The following PIEZO2 variants were observed in gnomAD, a reference collection of about 807,000 sequenced individuals.
PIEZO2 encodes the protein piezo-type mechanosensitive ion channel component 2.
PIEZO2 carries 172 observed loss-of-function variants against 337.3 expected under a neutral mutation model. The ratio of observed to expected loss-of-function variants is 0.51; its 90% confidence interval spans 0.45 to 0.58. The LOEUF is 0.58. PIEZO2 is among the 20% of genes least tolerant of loss of function. PIEZO2 has a pLI of 0.00. For missense variants in PIEZO2, 3,028 were observed against 3,391.3 expected, an observed-to-expected ratio of 0.89 and a Z score of 2.66; for synonymous variants, 1,251 against 1,228.5, an observed-to-expected ratio of 1.02 and a Z score of -0.38.
intron 1 of PIEZO2, among the ~76,000 whole-genome samples, chr18:11,098,506 TTCATTATTA>T (rs1370735318): frequency 6.7e-6 from 1 of 150,128 alleles, no homozygotes; most frequent in Non-Finnish European, 1.5e-5. Flanking sequence ...CCCACAAGTA[TTCATTATTA>T]GCATCTAGTG....
At chr18:11,122,245 G>A (rs1382621819) in intron 1 of PIEZO2, among the ~76,000 whole-genome samples, 3 of 152,104 alleles carry the variant, frequency 2.0e-5, no homozygotes, top group Non-Finnish European at 4.4e-5. Context: ...GTGAGCCACC[G>A]CACCCAGCAA....
chr18:10,983,816 T>C (rs2145508386), intron 2 of PIEZO2, among the ~76,000 whole-genome samples: 1 of 152,280 alleles, frequency 6.6e-6, no homozygotes, highest in South Asian at 2.1e-4. Context: ...TGTACAAATA[T>C]TAGCATCTGG....
Position 11,078,560 on chromosome 18 carries a change from T to A in PIEZO2, c.65-12338A>T, listed in dbSNP as rs1325790502. Among the ~76,000 whole-genome samples, 1 of 152,226 alleles carries A rather than the reference T, an allele frequency of 6.6e-6. No individual in the cohort carries two copies. Among genetic ancestry groups the A allele is most frequent in the South Asian group, 2.1e-4 (1 of 4,832 alleles). On this transcript the variant is annotated intron_variant, in intron 1 of 55. Transcript: ENST00000674853. The surrounding 1 kb of genome is among the most constrained non-coding windows in gnomAD (Gnocchi z 5.3). ...CCTGGGAACATCCTCTTCCCTGACA[T>A]ATATGGAACTATCGCTTTTGCTTTC...
chr18:10,928,717 TC>T lies in PIEZO2; in HGVS notation c.287-17490del, dbSNP rs200929533. Among the ~76,000 whole-genome samples the T allele has an allele frequency of 3.4e-3, 513 of 152,264 alleles. 2 individuals carry two copies. The highest frequency in any genetic ancestry group is 4.8e-3 in the Non-Finnish European group (328 of 68,020). The stretch of plus-strand genomic sequence containing the variant: ...ATCTAACATTATAATAGCCAAAAGT[TC>T]CCCCTATTTATTAGTGACCTAGAGA... On this transcript the variant is annotated intron_variant, in intron 3 of 55. Coordinates refer to ENST00000674853, the MANE Select transcript of PIEZO2 (RefSeq NM_001378183.1).
At position 10,803,970 on chromosome 18, in the gene PIEZO2, C is replaced by T. The variant is rs761882287; in HGVS notation, c.1105G>A (p.Glu369Lys). 2 of 1,537,382 alleles carry T rather than the reference C, an allele frequency of 1.3e-6. No homozygotes were observed. Among genetic ancestry groups the T allele is most frequent in the African/African-American group, 1.4e-5 (1 of 73,190 alleles). ...PLVQDEGTKE[E>K]DKALACSPIQ... ...GGGCTACAAGCCAGGGCTTTGTCCT[C>T]TTCTTTGGTCCCCTCATCCTGCACC... The change falls in exon 9 of 56, where the codon GAG (glutamate) becomes AAG (lysine). Residue 369 changes from glutamate (E) to lysine (K), a missense_variant. By Grantham distance (56) the Glu-to-Lys change is moderately conservative. Coordinates refer to ENST00000674853, the MANE Select transcript of PIEZO2 (RefSeq NM_001378183.1).
At chr18:11,144,878 A>T (rs1007265720) in intron 1 of PIEZO2, among the ~76,000 whole-genome samples, 6 of 152,200 alleles carry the variant, frequency 3.9e-5, no homozygotes, top group Non-Finnish European at 5.9e-5. Context: ...GCAAGACATT[A>T]GGGAACTCCA....
intron 2 of PIEZO2, among the ~76,000 whole-genome samples, chr18:11,023,888 G>A (rs1270094152): frequency 1.3e-5 from 2 of 152,204 alleles, no homozygotes; most frequent in Non-Finnish European, 1.5e-5. Context: ...CCGCTGGCCC[G>A]GGTGCTAAGC....
Position 10,742,576 on chromosome 18 carries a change from C to G in PIEZO2, c.4554G>C (p.Lys1518Asn). Residue 1518 changes from lysine to asparagine, a missense_variant, in exon 32 of 56, where the codon AAG (lysine) becomes AAC (asparagine). Transcript: ENST00000674853. ...RIKARQQKYK[K>N]GKERMLSLTQ... ...TCAAGCTCAGCATCCTCTCCTTACC[C>G]TTTTTATATTTCTGTTGCCTGGCCT... The G allele has an allele frequency of 6.5e-7, 1 of 1,537,166 alleles. No homozygotes were observed. Among genetic ancestry groups the G allele is most frequent in the East Asian group, 2.4e-5 (1 of 40,914 alleles).
At chr18:11,064,906 G>A (rs554985408) in intron 2 of PIEZO2, among the ~76,000 whole-genome samples, 115 of 152,240 alleles carry the variant, frequency 7.6e-4, no homozygotes, top group Admixed American at 1.4e-3. Flanking sequence ...TTCTCAGGCC[G>A]GAAACTATTC....
rs1307719854 is a variant in PIEZO2 at position 11,027,172 on chromosome 18, T to G, written c.160+38955A>C. On this transcript the variant is annotated intron_variant, in intron 2 of 55. Coordinates refer to ENST00000674853, the MANE Select transcript of PIEZO2 (RefSeq NM_001378183.1). The surrounding 1 kb of genome is among the most constrained non-coding windows in gnomAD (Gnocchi z 4.2). ...AGTAGGAGCCAGAATTCAAGGGGCTTGGGGATGGAATTTGAAGAGACCCCA... is the reference window on the plus strand; with the variant it reads ...AGTAGGAGCCAGAATTCAAGGGGCTGGGGGATGGAATTTGAAGAGACCCCA... Among the ~76,000 whole-genome samples, 2 of 152,174 alleles carry G rather than the reference T, an allele frequency of 1.3e-5. No homozygotes were observed. The highest frequency in any genetic ancestry group is 2.9e-5 in the Non-Finnish European group (2 of 68,032).
At chr18:10,733,237 T>G (rs192826983) in intron 35 of PIEZO2, among the ~76,000 whole-genome samples, 22 of 152,242 alleles carry the variant, frequency 1.4e-4, no homozygotes, top group African/African-American at 5.1e-4. Flanking sequence ...AATTGAGGTA[T>G]GCAAACTGGG....
In PIEZO2 at chr18:10,742,389, G is replaced by A. The variant is rs547035951; in HGVS notation, c.4636+105C>T. On this transcript the variant is annotated intron_variant, in intron 32 of 55. Coordinates refer to ENST00000674853, the MANE Select transcript of PIEZO2 (RefSeq NM_001378183.1). ...GCTCGCTGAATCAAAAAAGTGTATC[G>A]ATAATCTTGGCAGAATAAGAAGTAA... 7.2e-5 allele frequency: 93 copies of A among 1,291,502 alleles called. No homozygotes were observed. In the East Asian group the frequency reaches 9.7e-4, roughly 13 times the overall value. 80.0% of individuals were successfully genotyped at this position (1,291,502 alleles called of 1,614,324 possible).
At chr18:10,691,429 G>A (rs374263690) in intron 47 of PIEZO2, 46 bp from the exon 48 acceptor site, 114 of 1,571,992 alleles carry the variant, frequency 7.3e-5, no homozygotes, top group Non-Finnish European at 9.7e-5. Context: ...ATACTCTTCT[G>A]AAACAAAAGG....
intron 15 of PIEZO2, among the ~76,000 whole-genome samples, chr18:10,788,422 G>A (rs144027546): frequency 8.4e-5 from 7 of 83,392 alleles, no homozygotes; most frequent in Admixed American, 1.3e-4. Flanking sequence ...AAAAAAAAAA[G>A]AAAGAAAGGA....
chr18:11,142,907 T>C (rs1212527780), intron 1 of PIEZO2, among the ~76,000 whole-genome samples: 1 of 151,652 alleles, frequency 6.6e-6, no homozygotes. Flanking sequence ...TGAAACCCCG[T>C]CGCTACTAAA....
At chr18:10,687,109 TCAC>T (rs2034578336) in intron 49 of PIEZO2, among the ~76,000 whole-genome samples, 1 of 152,204 alleles carries the variant, frequency 6.6e-6, no homozygotes, top group African/African-American at 2.4e-5. Flanking sequence ...TTTATTTGTG[TCAC>T]CATTTTATTT....
intron 3 of PIEZO2, among the ~76,000 whole-genome samples, chr18:10,919,635 T>G (rs1362872190): frequency 6.6e-6 from 1 of 152,174 alleles, no homozygotes; most frequent in Non-Finnish European, 1.5e-5. Context: ...TGGAGGGTAC[T>G]GCAACACCTT....
At chr18:10,778,305 C>T (rs1222943753) in intron 18 of PIEZO2, among the ~76,000 whole-genome samples, 1 of 151,030 alleles carries the variant, frequency 6.6e-6, no homozygotes, top group African/African-American at 2.4e-5. Flanking sequence ...TGTTTGATAA[C>T]GTTTCCTTTG....
At chr18:11,026,665 C>T (rs1361044769) in intron 2 of PIEZO2, among the ~76,000 whole-genome samples, 2 of 152,244 alleles carry the variant, frequency 1.3e-5, no homozygotes, top group Non-Finnish European at 1.5e-5. Flanking sequence ...TGAATGCTCC[C>T]TCCACTGCCC....
Sources: allele counts gnomAD v4.1 joint callset (sites outside exome capture counted in the v4.1 genomes callset), GRCh38; gene constraint gnomAD v4.1.1; non-coding constraint Gnocchi (gnomAD v3.1); transcripts MANE v1.5; gene names NCBI Gene and HGNC (gene_info 2026-07-23, HGNC 2026-07-21).